Variants in NUMB observed in about 807,000 individuals in gnomAD.
NUMB encodes the protein NUMB endocytic adaptor protein.
A neutral mutation model predicts 59.7 loss-of-function variants in NUMB; 29 were observed. The ratio of observed to expected loss-of-function variants is 0.49; its 90% confidence interval spans 0.36 to 0.66. NUMB has a LOEUF of 0.66. Among genes scored for constraint, NUMB ranks in the 30% least tolerant of loss-of-function variants. The pLI, the probability that NUMB is intolerant of heterozygous loss-of-function variation, is 0.00. For synonymous variants in NUMB, 288 were observed against 288.2 expected (o/e 1.00, Z 0.01); for missense variants, 723 against 822.0 (o/e 0.88, Z 1.47).
chr14:73,438,230 TTG>T (rs921439081), intron 1 of NUMB, among the ~76,000 whole-genome samples: 6 of 152,338 alleles, frequency 3.9e-5, no homozygotes, highest in African/African-American at 9.6e-5. Flanking sequence ...GCAATATTCA[TTG>T]TGTTTTATAA....
At chr14:73,374,719 CTTTTT>C (rs368185389) in intron 2 of NUMB, among the ~76,000 whole-genome samples, 2 of 119,324 alleles carry the variant, frequency 1.7e-5, no homozygotes, top group Non-Finnish European at 3.4e-5. Flanking sequence ...GTTACATTAA[CTTTTT>C]TTTTTTTTTT....
intron 7 of NUMB, 31 bp from the exon 8 acceptor site, chr14:73,292,905 G>A: frequency 6.2e-7 from 1 of 1,610,776 alleles, no homozygotes; most frequent in Non-Finnish European, 8.5e-7. Flanking sequence ...AGAAAGAGAA[G>A]ACTTATGAGG....
At chr14:73,408,045 G>C (rs1896752366) in intron 2 of NUMB, among the ~76,000 whole-genome samples, 1 of 152,060 alleles carries the variant, frequency 6.6e-6, no homozygotes, top group African/African-American at 2.4e-5. Context: ...GACCAACATG[G>C]TGAAACCCCG....
chr14:73,367,959 C>A (rs1240894002), intron 2 of NUMB, among the ~76,000 whole-genome samples: 1 of 151,724 alleles, frequency 6.6e-6, no homozygotes, highest in Non-Finnish European at 1.5e-5. Flanking sequence ...TCCCACAGTC[C>A]TATATTTATT....
intron 6 of NUMB, among the ~76,000 whole-genome samples, chr14:73,305,033 C>T (rs1890347781): frequency 6.6e-6 from 1 of 152,144 alleles, no homozygotes; most frequent in Non-Finnish European, 1.5e-5. Flanking sequence ...TCCCAAAATG[C>T]TGGGATTACA....
chr14:73,307,311 A>G (rs1484972515), intron 6 of NUMB, among the ~76,000 whole-genome samples: 1 of 7,536 alleles, frequency 1.3e-4, no homozygotes. Flanking sequence ...TCTGTCTTTA[A>G]AAAAAAAAAA....
At chr14:73,396,659 C>T (rs1896154321) in intron 2 of NUMB, among the ~76,000 whole-genome samples, 1 of 152,080 alleles carries the variant, frequency 6.6e-6, no homozygotes, top group South Asian at 2.1e-4. Context: ...TGTGAGCCAC[C>T]AGCCTTTTTA....
At chr14:73,428,128 A>G (rs1897665800) in intron 1 of NUMB, among the ~76,000 whole-genome samples, 1 of 152,188 alleles carries the variant, frequency 6.6e-6, no homozygotes, top group South Asian at 2.1e-4. Context: ...ATACAATTGA[A>G]AAGTTTTGAA....
chr14:73,392,380 T>C (rs1895897159), intron 2 of NUMB, among the ~76,000 whole-genome samples: 1 of 152,224 alleles, frequency 6.6e-6, no homozygotes, highest in East Asian at 1.9e-4. Context: ...AGTGAAAAAG[T>C]TGAATGCAAA....
At chr14:73,362,948 A>T (rs1894161015) in intron 3 of NUMB, among the ~76,000 whole-genome samples, 1 of 152,018 alleles carries the variant, frequency 6.6e-6, no homozygotes, top group Non-Finnish European at 1.5e-5. Context: ...TAGGAGTTCA[A>T]TACCAGCCTG....
intron 1 of NUMB, among the ~76,000 whole-genome samples, chr14:73,441,087 A>G (rs1883032697): frequency 6.6e-6 from 1 of 152,180 alleles, no homozygotes; most frequent in Admixed American, 6.5e-5. Context: ...CAGAATATAT[A>G]AAGAAAACAT....
At chr14:73,435,375 G>A (rs1009308090) in intron 1 of NUMB, among the ~76,000 whole-genome samples, 9 of 148,146 alleles carry the variant, frequency 6.1e-5, no homozygotes, top group African/African-American at 9.9e-5. Context: ...CCAGGTTCAC[G>A]CCATTCTCCT....
chr14:73,428,184 G>A (rs1430837370), intron 1 of NUMB, among the ~76,000 whole-genome samples: 1 of 152,122 alleles, frequency 6.6e-6, no homozygotes, highest in Non-Finnish European at 1.5e-5. Flanking sequence ...AATAAAAACT[G>A]TGTTTTAATA....
chr14:73,276,751 C>G lies in NUMB; in HGVS notation c.1783G>C (p.Gly595Arg). Residue 595 changes from glycine (G) to arginine (R), a missense_variant, in exon 13 of 13, where the codon GGC (glycine) becomes CGC (arginine). Gly to Arg is a moderately radical substitution (Grantham distance 125). Around this residue, in one of 2 missense-constraint regions of NUMB, gnomAD observed 406 missense variants for 385.4 expected, o/e 1.05. Transcript: ENST00000555238. ...TGCCTGTCTGCTGAGGCCAACCTGC[C>G]ATCATCTACACCATTGAAAGCTGCA... ...GSAAFNGVDDGRLASADRHTE... is the reference protein window; with the variant it reads ...GSAAFNGVDDRRLASADRHTE... 1 of 1,614,190 alleles carries G rather than the reference C, an allele frequency of 6.2e-7. No homozygotes were observed. Among genetic ancestry groups the G allele is most frequent in the Non-Finnish European group, 8.5e-7 (1 of 1,180,036 alleles).
At chr14:73,440,065 C>G (rs1243873396) in intron 1 of NUMB, among the ~76,000 whole-genome samples, 1 of 152,058 alleles carries the variant, frequency 6.6e-6, no homozygotes, top group Non-Finnish European at 1.5e-5. Flanking sequence ...AACTGCCACT[C>G]TAGACCAAAA....
intron 1 of NUMB, among the ~76,000 whole-genome samples, chr14:73,416,846 G>A (rs1005527102): frequency 1.8e-4 from 28 of 151,894 alleles, no homozygotes; most frequent in South Asian, 1.7e-3. Context: ...AGCAAAGGCC[G>A]GCCCTAAATG....
chr14:73,431,553 C>T (rs1162712798), intron 1 of NUMB, among the ~76,000 whole-genome samples: 4 of 151,568 alleles, frequency 2.6e-5, no homozygotes, highest in African/African-American at 4.8e-5. Flanking sequence ...TCGAGATCAG[C>T]CTGGCCAACA....
At chr14:73,304,352 C>T (rs1032208104) in intron 6 of NUMB, among the ~76,000 whole-genome samples, 2 of 151,958 alleles carry the variant, frequency 1.3e-5, no homozygotes, top group African/African-American at 4.8e-5. Flanking sequence ...ATTCTGACAC[C>T]CAGGCTGGAG....
chr14:73,451,135 C>T (rs1883908997), intron 1 of NUMB, among the ~76,000 whole-genome samples: 1 of 117,000 alleles, frequency 8.5e-6, no homozygotes, highest in African/African-American at 3.5e-5. Context: ...TCCTGGGCGA[C>T]AGAGCAGGAC....
Sources: allele counts gnomAD v4.1 joint callset (sites outside exome capture counted in the v4.1 genomes callset), GRCh38; gene constraint gnomAD v4.1.1; regional missense constraint gnomAD v4.1.1; transcripts MANE v1.5; gene names NCBI Gene and HGNC (gene_info 2026-07-23, HGNC 2026-07-21).